Variants in SLC29A3 observed in about 807,000 individuals in gnomAD.
SLC29A3 encodes the protein equilibrative nucleoside transporter 3.
Under a neutral mutation model 25.4 loss-of-function variants are expected in SLC29A3, and 18 were observed. The observed-to-expected ratio is 0.71, with a 90% CI of 0.49 to 1.05. SLC29A3 has a LOEUF of 1.05. Among genes scored for constraint, SLC29A3 ranks in the 50% least tolerant of loss-of-function variants. The pLI, the probability that SLC29A3 is intolerant of heterozygous loss-of-function variation, is 0.00. For missense variants in SLC29A3, 586 were observed against 609.0 expected (o/e 0.96, Z 0.40); for synonymous variants, 258 against 267.1 (o/e 0.97, Z 0.33).
At chr10:71,377,178 G>A (rs909241495) in intron 4 of SLC29A3, among the ~76,000 whole-genome samples, 1 of 152,256 alleles carries the variant, frequency 6.6e-6, no homozygotes, top group Non-Finnish European at 1.5e-5. Flanking sequence ...CCCAGGCTGG[G>A]GTGGCACGGC....
chr10:71,372,953 C>T (rs994604389), intron 3 of SLC29A3, among the ~76,000 whole-genome samples: 3 of 152,120 alleles, frequency 2.0e-5, no homozygotes, highest in African/African-American at 4.8e-5. Flanking sequence ...GGGCAAGTCT[C>T]AAGGCATGCG....
rs1412934119 is a variant in SLC29A3 at position 71,351,596 on chromosome 10, A to G, written c.418A>G (p.Thr140Ala). Reference sequence around the variant, plus strand: ...CCACATCCGTGTCCTGGCCTCACTGACGGTCATCCTGGCCATCTTCATGGT... The same window carrying G: ...CCACATCCGTGTCCTGGCCTCACTGGCGGTCATCCTGGCCATCTTCATGGT... ...AVHIRVLASL[T>A]VILAIFMVIT... The change falls in exon 4 of 6, where the codon ACG becomes GCG. Residue 140 changes from threonine (T) to alanine (A), a missense_variant. Coordinates refer to ENST00000373189, the MANE Select transcript of SLC29A3 (RefSeq NM_018344.6). 5 of 1,614,108 alleles carry G rather than the reference A, an allele frequency of 3.1e-6. No individual in the cohort carries two copies. Among genetic ancestry groups the G allele is most frequent in the Non-Finnish European group, 4.2e-6 (5 of 1,180,048 alleles).
rs1269821429 is a variant in SLC29A3 at position 71,363,166 on chromosome 10, C to T, written c.*558C>T. 1 of 444,088 alleles carries T rather than the reference C, an allele frequency of 2.3e-6. No individual in the cohort carries two copies. The highest frequency in any genetic ancestry group is 2.4e-5 in the Admixed American group (1 of 41,274). The allele number at this position is 444,088 out of a possible 1,614,324, so 27.5% of individuals were successfully genotyped here. A position where few individuals can be genotyped will look rare whatever the true frequency, so the allele number is the denominator to read the frequency against. On this transcript the variant is annotated 3_prime_UTR_variant, in exon 6 of 6. Transcript: ENST00000373189. Reference sequence around the variant, plus strand: ...ACTGCCCACTAACCAGACTGGAAAACCCAGAAAGATGGGCCTTCCATGAAT... The same window carrying T: ...ACTGCCCACTAACCAGACTGGAAAATCCAGAAAGATGGGCCTTCCATGAAT...
At chr10:71,367,053 T>C (rs921888708), downstream of SLC29A3, among the ~76,000 whole-genome samples, 10 of 152,200 alleles carry the variant, frequency 6.6e-5, no homozygotes, top group Non-Finnish European at 1.3e-4. Flanking sequence ...CAGGTAGCCA[T>C]AGAGCTGGCT....
intron 2 of SLC29A3, among the ~76,000 whole-genome samples, chr10:71,329,531 A>T (rs1459761220): frequency 6.6e-6 from 1 of 151,872 alleles, no homozygotes; most frequent in Non-Finnish European, 1.5e-5. Context: ...ATTCATTCTG[A>T]GGGGCCTGGG....
downstream of SLC29A3, among the ~76,000 whole-genome samples, chr10:71,367,568 C>T (rs1847179925): frequency 6.6e-6 from 1 of 152,206 alleles, no homozygotes; most frequent in African/African-American, 2.4e-5. Context: ...ACTCAGGGCA[C>T]AGTGCACACC....
At chr10:71,377,638 G>A (rs1589249022) in intron 4 of SLC29A3, among the ~76,000 whole-genome samples, 1 of 152,252 alleles carries the variant, frequency 6.6e-6, no homozygotes, top group African/African-American at 2.4e-5. Context: ...GCCCTAGAGA[G>A]AGGCGACCTG....
At chr10:71,375,831 T>A (rs1847247940) in intron 4 of SLC29A3, 1 of 152,176 alleles carries the variant, frequency 6.6e-6, no homozygotes, top group South Asian at 2.1e-4. Context: ...CCCTTTCACA[T>A]TTAGGACCCC....
intron 3 of SLC29A3, among the ~76,000 whole-genome samples, chr10:71,350,064 A>G (rs955817593): frequency 2.6e-5 from 4 of 152,194 alleles, no homozygotes; most frequent in African/African-American, 4.8e-5. Flanking sequence ...TTGAGTACAC[A>G]TGTTAACAGA....
intron 4 of SLC29A3, 80 bp downstream of exon 4, chr10:71,351,868 G>A (rs1846774606): frequency 7.7e-7 from 1 of 1,296,554 alleles, no homozygotes; most frequent in Non-Finnish European, 1.1e-6. Context: ...AGCATGTGGT[G>A]GCCTTTTCTG....
intron 1 of SLC29A3, among the ~76,000 whole-genome samples, chr10:71,320,484 T>TC (rs11376986): frequency 0.48 from 72,208 of 151,802 alleles, 18,059 homozygotes; most frequent in African/African-American, 0.65. Context: ...AGGGCTCTCT[T>TC]CCTGGCTTGC....
At chr10:71,321,800 A>G (rs1845851596) in intron 1 of SLC29A3, among the ~76,000 whole-genome samples, 1 of 152,198 alleles carries the variant, frequency 6.6e-6, no homozygotes, top group Admixed American at 6.5e-5. Flanking sequence ...AGGCGCTACC[A>G]TAGATTGAAA....
At chr10:71,347,821 A>G (rs1006651087) in intron 3 of SLC29A3, among the ~76,000 whole-genome samples, 1 of 152,118 alleles carries the variant, frequency 6.6e-6, no homozygotes, top group African/African-American at 2.4e-5. Context: ...TTCCTCCCCA[A>G]CTTTCCTGCC....
chr10:71,370,284 A>C (rs1342040159), intron 3 of SLC29A3, among the ~76,000 whole-genome samples: 1 of 152,188 alleles, frequency 6.6e-6, no homozygotes, highest in East Asian at 1.9e-4. Context: ...AGAGAAGAGT[A>C]AAGTATGAAG....
At chr10:71,376,331 A>G (rs74144932) in intron 4 of SLC29A3, among the ~76,000 whole-genome samples, 4,123 of 152,322 alleles carry the variant, frequency 0.027, 68 homozygotes, top group African/African-American at 0.035. Flanking sequence ...TCACAGGAAG[A>G]CTTGAAGTGA....
At chr10:71,342,627 C>T (rs1238559441) in intron 2 of SLC29A3, among the ~76,000 whole-genome samples, 6 of 152,224 alleles carry the variant, frequency 3.9e-5, no homozygotes, top group South Asian at 2.1e-4. Context: ...TGGGGGCAGA[C>T]GCAGCCCCAT....
In SLC29A3 at chr10:71,351,769, C is replaced by A. The variant is rs1369949983; in HGVS notation, c.591C>A (p.Asn197Lys). The A allele has an allele frequency of 6.2e-7, 1 of 1,612,960 alleles. No individual in the cohort carries two copies. The highest frequency in any genetic ancestry group is 1.7e-5 in the Admixed American group (1 of 59,984). ...TGACCGGCTCCTTTCCTATGAGGAA[C>A]TCCCAGGCACTGATATCAGGTGAGA... The part of the protein sequence containing the change: ...YGMTGSFPMR[N>K]SQALISGGAM... Residue 197 changes from asparagine to lysine, a missense_variant, in exon 4 of 6, where the codon AAC becomes AAA. By Grantham distance (94) the Asn-to-Lys change is moderately conservative. Coordinates refer to ENST00000373189, the MANE Select transcript of SLC29A3 (RefSeq NM_018344.6).
In SLC29A3 at chr10:71,362,229, C is replaced by A. The variant is rs1378894193; in HGVS notation, c.1049C>A (p.Thr350Asn). 1 of 1,614,198 alleles carries A rather than the reference C, an allele frequency of 6.2e-7. No individual in the cohort carries two copies. The highest frequency in any genetic ancestry group is 1.1e-5 in the South Asian group (1 of 91,090). ...ACCACCAAGTTTTTCATCCCCCTCA[C>A]TACCTTCCTCCTGTACAACTTTGCT... Reference protein sequence around the residue: ...LWTTKFFIPLTTFLLYNFADL... With the variant: ...LWTTKFFIPLNTFLLYNFADL... The change falls in exon 6 of 6, where the codon ACT becomes AAT. Residue 350 changes from threonine to asparagine, a missense_variant. Physicochemically the swap from Thr to Asn is moderately conservative, Grantham distance 65. Coordinates refer to ENST00000373189, the MANE Select transcript of SLC29A3 (RefSeq NM_018344.6).
chr10:71,331,363 A>G (rs557052352), intron 2 of SLC29A3, among the ~76,000 whole-genome samples: 1 of 152,342 alleles, frequency 6.6e-6, no homozygotes, highest in Admixed American at 6.5e-5. Context: ...GAGCAGGACA[A>G]TGAGGCACAA....
Sources: allele counts gnomAD v4.1 joint callset (sites outside exome capture counted in the v4.1 genomes callset), GRCh38; gene constraint gnomAD v4.1.1; transcripts MANE v1.5; gene names NCBI Gene and HGNC (gene_info 2026-07-23, HGNC 2026-07-21).